The following DPPA2 variants were observed in gnomAD, a reference collection of about 807,000 sequenced individuals.
DPPA2 encodes the protein developmental pluripotency-associated protein 2.
Under a neutral mutation model 36.2 loss-of-function variants are expected in DPPA2, and 26 were observed. The ratio of observed to expected loss-of-function variants is 0.72; its 90% CI spans 0.53 to 1.00. The LOEUF (loss-of-function observed/expected upper bound fraction) is 1.00. Among genes scored for constraint, DPPA2 ranks in the 50% least tolerant of loss-of-function variants. DPPA2 has a pLI of 0.00. For synonymous variants in DPPA2, 113 were observed against 123.2 expected (o/e 0.92, Z 0.55); for missense variants, 361 against 365.1 (o/e 0.99, Z 0.09).
intron 1 of DPPA2, 31 bp from the exon 2 acceptor site, chr3:109,314,586 A>G (rs1707759915): frequency 3.1e-6 from 5 of 1,589,752 alleles, no homozygotes; most frequent in Non-Finnish European, 2.6e-6. Flanking sequence ...AATGTTAAGG[A>G]TATGGTAGTT....
At chr3:109,298,203 G>A (rs1707386903) in intron 8 of DPPA2, among the ~76,000 whole-genome samples, 2 of 152,264 alleles carry the variant, frequency 1.3e-5, no homozygotes, top group African/African-American at 4.8e-5. Context: ...CACTATGTTG[G>A]ATAAATGTCA....
intron 8 of DPPA2, chr3:109,295,131 T>C (rs1707329386): frequency 6.6e-6 from 1 of 152,176 alleles, no homozygotes; most frequent in Non-Finnish European, 1.5e-5. Context: ...ATTTGATCTG[T>C]TGTAATAATT....
chr3:109,305,552 A>G (rs748262109), intron 6 of DPPA2, among the ~76,000 whole-genome samples: 1 of 152,144 alleles, frequency 6.6e-6, no homozygotes, highest in Non-Finnish European at 1.5e-5. Flanking sequence ...AGGTGGGTGG[A>G]TCACCTGAGG....
intron 7 of DPPA2, among the ~76,000 whole-genome samples, chr3:109,302,015 T>C (rs2107306586): frequency 6.6e-6 from 1 of 152,334 alleles, no homozygotes; most frequent in South Asian, 2.1e-4. Context: ...TACATGGCCA[T>C]CTTGCTGCCA....
chr3:109,304,386 C>G, intron 7 of DPPA2, 89 bp downstream of exon 7: 1 of 1,330,142 alleles, frequency 7.5e-7, no homozygotes, highest in Non-Finnish European at 1.0e-6. Flanking sequence ...GCATGTTCGC[C>G]CTCTGCTTTC....
Position 109,310,916 on chromosome 3 carries a change from C to T in DPPA2, c.182-1586G>A, listed in dbSNP as rs149379639. Among the ~76,000 whole-genome samples the T allele has an allele frequency of 3.9e-4, 59 of 152,226 alleles. 1 individual carries two copies. The East Asian group carries it at 0.011, about 30-fold the overall frequency. On this transcript the variant is annotated intron_variant, in intron 3 of 8. Transcript: ENST00000478945. ...TTCCAGGTTCAAGTGATTATCATGC[C>T]TCAGCCTCCTCAGTAGCTGGGACTA...
intron 8 of DPPA2, among the ~76,000 whole-genome samples, chr3:109,299,802 C>CA (rs1707427193): frequency 6.9e-6 from 1 of 144,426 alleles, no homozygotes; most frequent in Admixed American, 7.1e-5. Flanking sequence ...AGTGCAGTGG[C>CA]AATTCACAGG....
intron 8 of DPPA2, among the ~76,000 whole-genome samples, chr3:109,300,064 C>A (rs1707432385): frequency 6.6e-6 from 1 of 152,052 alleles, no homozygotes; most frequent in African/African-American, 2.4e-5. Context: ...AAAAAGAGTC[C>A]ATTAATTAAA....
intron 8 of DPPA2, among the ~76,000 whole-genome samples, chr3:109,296,949 G>T (rs750203846): frequency 5.3e-5 from 8 of 151,968 alleles, no homozygotes; most frequent in Admixed American, 2.0e-4. Flanking sequence ...AATTAGCCAG[G>T]CATGGTAATG....
intron 8 of DPPA2, among the ~76,000 whole-genome samples, chr3:109,298,714 TAAA>T (rs917966415): frequency 8.4e-6 from 1 of 119,330 alleles, no homozygotes; most frequent in African/African-American, 2.9e-5. Flanking sequence ...TGATTCTGTC[TAAA>T]AATAATAATA....
At chr3:109,309,986 T>A (rs1225469682) in intron 3 of DPPA2, among the ~76,000 whole-genome samples, 1 of 151,486 alleles carries the variant, frequency 6.6e-6, no homozygotes, top group African/African-American at 2.4e-5. Context: ...CCCAGCACTT[T>A]GGGAGGCCGA....
chr3:109,299,253 C>A (rs551409312), intron 8 of DPPA2, among the ~76,000 whole-genome samples: 6 of 152,052 alleles, frequency 3.9e-5, no homozygotes, highest in African/African-American at 1.4e-4. Flanking sequence ...TGGCTCCCGC[C>A]TGTAATCCCA....
chr3:109,314,444 A>C, intron 2 of DPPA2, 66 bp downstream of exon 2: 2 of 1,536,416 alleles, frequency 1.3e-6, no homozygotes, highest in Non-Finnish European at 1.8e-6. Context: ...GAGAAACATA[A>C]GGGAGACCTA....
chr3:109,315,052 G>GT (rs1707767022), intron 1 of DPPA2, among the ~76,000 whole-genome samples: 1 of 151,996 alleles, frequency 6.6e-6, no homozygotes, highest in Non-Finnish European at 1.5e-5. Context: ...GCGAGACTCT[G>GT]TCTCAACAAG....
chr3:109,303,225 G>A (rs1707489127), intron 7 of DPPA2, among the ~76,000 whole-genome samples: 1 of 152,008 alleles, frequency 6.6e-6, no homozygotes, highest in African/African-American at 2.4e-5. Flanking sequence ...CACTGCAACT[G>A]GCCATCATAT....
intron 1 of DPPA2, among the ~76,000 whole-genome samples, chr3:109,316,020 G>A (rs1258258140): frequency 2.0e-5 from 3 of 152,198 alleles, no homozygotes; most frequent in African/African-American, 7.2e-5. Flanking sequence ...GGGTGAGGCT[G>A]AGGGGCTGAG....
intron 3 of DPPA2, 51 bp downstream of exon 3, chr3:109,312,494 G>A: frequency 1.3e-6 from 2 of 1,556,980 alleles, no homozygotes; most frequent in Non-Finnish European, 1.7e-6. Flanking sequence ...CTTTTTCCTG[G>A]GCTTCCCAGA....
intron 2 of DPPA2, 117 bp downstream of exon 2, chr3:109,314,393 T>C (rs1707756481): frequency 1.9e-6 from 2 of 1,056,348 alleles, no homozygotes; most frequent in African/African-American, 1.6e-5. Context: ...GGTTTCAAGA[T>C]GGAGATTTCT....
rs1348149278 is a variant in DPPA2, at chr3:109,312,557, TC to T, written c.168del (p.Lys57AsnfsTer53). On this transcript the variant is annotated frameshift_variant, in exon 3 of 9. Transcript: ENST00000478945. LOFTEE classifies it high-confidence loss of function. ...STSDVKLEKP[K>X]KYNPGHLLQT... The stretch of plus-strand genomic sequence containing the variant: ...CCTGTCCTCATACCTGGATTGTATT[TC>T]TTAGGCTTCTCCAGTTTGACATCAG... 6.2e-7 allele frequency: 1 copy of T among 1,613,326 alleles called. No homozygotes were observed. The highest frequency in any genetic ancestry group is 1.7e-5 in the Admixed American group (1 of 59,998).
Sources: gnomAD v4.1 joint callset for allele counts (sites outside exome capture counted in the v4.1 genomes callset) on GRCh38, gnomAD v4.1.1 for gene constraint, MANE v1.5 for transcripts, NCBI Gene and HGNC (gene_info 2026-07-23, HGNC 2026-07-21) for gene names.